PTP4A1: variants seen among roughly 807,000 people sequenced by gnomAD.
The protein encoded by PTP4A1 is protein tyrosine phosphatase 4A1.
PTP4A1 carries 9 observed loss-of-function variants against 20.5 expected under a neutral mutation model. The ratio of observed to expected loss-of-function variants is 0.44; its 90% CI spans 0.26 to 0.77. PTP4A1 has a LOEUF of 0.77. PTP4A1 is among the 30% of genes least tolerant of loss of function. The pLI is 0.19. For synonymous variants in PTP4A1, 78 were observed against 67.4 expected, an observed-to-expected ratio of 1.16 and a Z score of -0.77; for missense variants, 137 against 218.8, an observed-to-expected ratio of 0.63 and a Z score of 2.36.
Position 63,526,131 on chromosome 6 carries a change from C to T in PTP4A1, c.-905-1688C>T, listed in dbSNP as rs138176263. Among the ~76,000 whole-genome samples, 1,327 of 151,916 alleles carry T rather than the reference C, an allele frequency of 8.7e-3. 23 individuals are homozygous for T. Among genetic ancestry groups the T allele is most frequent in the African/African-American group, 0.03 (1,255 of 41,442 alleles). ...CCTGAAGTCAGGAGTTCAAGACCAG[C>T]CTGGCCAACATGGTGAAATCCCGTC... On this transcript the variant is annotated intron_variant, in intron 1 of 3. Transcript: ENST00000639568.
chr6:63,570,990 T>C (rs900931880), upstream of PTP4A1: 3 of 152,238 alleles, frequency 2.0e-5, no homozygotes, highest in Non-Finnish European at 4.4e-5. Flanking sequence ...TCTTAGAATT[T>C]AAGATTTTAA....
At chr6:63,570,621 A>G (rs908890669), upstream of PTP4A1, among the ~76,000 whole-genome samples, 55 of 152,192 alleles carry the variant, frequency 3.6e-4, no homozygotes, top group African/African-American at 1.1e-3. Flanking sequence ...TGGCTCTGTT[A>G]ATCATTTGCT....
At chr6:63,540,166 T>C (rs1386136460) in intron 2 of PTP4A1, among the ~76,000 whole-genome samples, 6 of 152,206 alleles carry the variant, frequency 3.9e-5, no homozygotes, top group Non-Finnish European at 8.8e-5. Context: ...GAATCTGGTG[T>C]GCATGGTTGG....
Position 63,576,511 on chromosome 6 carries a change from G to A in PTP4A1, c.-370G>A, listed in dbSNP as rs1777876124. ...TGGAGATTACTGCCAGGCACAGCAC[G>A]ACCTCTATGCAGACAAGTGAACTGT... On this transcript the variant is annotated 5_prime_UTR_variant, in exon 2 of 6. Coordinates refer to ENST00000626021, the MANE Select transcript of PTP4A1 (RefSeq NM_003463.5). The A allele has an allele frequency of 2.5e-6, 1 of 404,282 alleles. No individual in the cohort carries two copies. The highest frequency in any genetic ancestry group is 4.3e-5 in the Admixed American group (1 of 23,208). The allele number at this position is 404,282 out of a possible 1,614,324, so 25.0% of individuals were successfully genotyped here.
chr6:63,580,275 C>A lies in PTP4A1; in HGVS notation c.*101C>A. 1.0e-6 allele frequency: 1 copy of A among 962,582 alleles called. No homozygotes were observed. The highest frequency in any genetic ancestry group is 1.6e-6 in the Non-Finnish European group (1 of 624,870). 59.6% of individuals were successfully genotyped at this position (962,582 alleles called of 1,614,324 possible). ...TGGCTTAGTAAGTCTAATGAAGCTT[C>A]CATAGGAGTATTGAAAGGCAGTTTT... On this transcript the variant is annotated 3_prime_UTR_variant, in exon 6 of 6. Transcript: ENST00000626021.
upstream of PTP4A1, among the ~76,000 whole-genome samples, chr6:63,518,309 C>T (rs1774804649): frequency 6.6e-6 from 1 of 152,092 alleles, no homozygotes; most frequent in Non-Finnish European, 1.5e-5. Context: ...AATTCTCTTG[C>T]TTGTATTTAC....
At chr6:63,570,074 G>T (rs1354255032), upstream of PTP4A1, among the ~76,000 whole-genome samples, 1 of 152,200 alleles carries the variant, frequency 6.6e-6, no homozygotes, top group African/African-American at 2.4e-5. Flanking sequence ...CTTATATCTT[G>T]TTTAAAATGT....
intron 2 of PTP4A1, among the ~76,000 whole-genome samples, chr6:63,543,041 T>C (rs1359828145): frequency 1.3e-5 from 2 of 152,216 alleles, no homozygotes; most frequent in Non-Finnish European, 2.9e-5. Flanking sequence ...TTAATTAACA[T>C]ATGGCCAATC....
intron 2 of PTP4A1, among the ~76,000 whole-genome samples, chr6:63,537,098 G>T (rs190213464): frequency 2.2e-4 from 34 of 152,174 alleles, no homozygotes; most frequent in Admixed American, 3.9e-4. Context: ...TAAAGTGAAA[G>T]GGGCTTCCAT....
chr6:63,529,750 C>T (rs988327350), intron 2 of PTP4A1, among the ~76,000 whole-genome samples: 2 of 152,112 alleles, frequency 1.3e-5, no homozygotes, highest in African/African-American at 4.8e-5. Flanking sequence ...ATCCTATCAG[C>T]CAAGAATGAG....
chr6:63,539,027 G>T (rs1775838035), intron 2 of PTP4A1, among the ~76,000 whole-genome samples: 1 of 151,928 alleles, frequency 6.6e-6, no homozygotes, highest in East Asian at 1.9e-4. Flanking sequence ...CACATAGCTG[G>T]GATTACAGGT....
intron 2 of PTP4A1, among the ~76,000 whole-genome samples, chr6:63,531,369 T>A (rs1308123011): frequency 6.7e-6 from 1 of 148,952 alleles, no homozygotes; most frequent in Admixed American, 6.8e-5. Context: ...CAATAAAAAA[T>A]TTATTCCAAA....
intron 1 of PTP4A1, among the ~76,000 whole-genome samples, chr6:63,522,219 T>C (rs1440831437): frequency 6.6e-6 from 1 of 152,236 alleles, no homozygotes; most frequent in Non-Finnish European, 1.5e-5. Context: ...CAAAGTATTT[T>C]AAGGGCTACA....
At chr6:63,549,256 G>A (rs1306181107) in intron 2 of PTP4A1, 3 of 748,374 alleles carry the variant, frequency 4.0e-6, no homozygotes, top group Non-Finnish European at 7.3e-6. Context: ...TCCAGGGCCT[G>A]GGTGAACTGG....
At chr6:63,578,838 A>G (rs753105370) in intron 3 of PTP4A1, 60 bp from the exon 4 acceptor site, 552 of 1,365,448 alleles carry the variant, frequency 4.0e-4, no homozygotes, top group Middle Eastern at 5.4e-4. Flanking sequence ...AGAAATTTAG[A>G]ATTATTACTA....
At chr6:63,567,364 T>G (rs1021857712) in intron 3 of PTP4A1, among the ~76,000 whole-genome samples, 2 of 152,250 alleles carry the variant, frequency 1.3e-5, no homozygotes, top group African/African-American at 4.8e-5. Flanking sequence ...GGTTGCAGAA[T>G]GGATGCTGTG....
intron 1 of PTP4A1, among the ~76,000 whole-genome samples, chr6:63,526,837 T>TATATATATATATATA (rs1562111525): frequency 3.2e-4 from 28 of 87,674 alleles, no homozygotes; most frequent in African/African-American, 9.3e-4. Context: ...ATATATATAT[T>TATATATATATATATA]TATTTATTTA....
At chr6:63,551,640 A>C (rs1776447252) in intron 3 of PTP4A1, among the ~76,000 whole-genome samples, 1 of 151,902 alleles carries the variant, frequency 6.6e-6, no homozygotes, top group Non-Finnish European at 1.5e-5. Flanking sequence ...GCACCCATTA[A>C]CTTGTCGTTT....
intron 2 of PTP4A1, among the ~76,000 whole-genome samples, chr6:63,528,895 C>A (rs1357705558): frequency 6.6e-6 from 1 of 152,000 alleles, no homozygotes; most frequent in African/African-American, 2.4e-5. Flanking sequence ...TCAAGACCAG[C>A]CTGACTAACA....
Sources: gnomAD v4.1 joint callset for allele counts (sites outside exome capture counted in the v4.1 genomes callset) on GRCh38, gnomAD v4.1.1 for gene constraint, MANE v1.5 for transcripts, NCBI Gene and HGNC (gene_info 2026-07-23, HGNC 2026-07-21) for gene names.